The following NRXN3 variants were observed in gnomAD, a reference collection of about 807,000 sequenced individuals.
NRXN3 encodes neurexin III.
A neutral mutation model predicts 137.6 loss-of-function variants in NRXN3; 32 were observed. The observed-to-expected ratio is 0.23, with a 90% CI of 0.18 to 0.31. NRXN3 has a LOEUF of 0.31. Among genes scored for constraint, NRXN3 ranks in the 10% least tolerant of loss-of-function variants. The pLI is 1.00. For synonymous variants in NRXN3, 798 were observed against 784.5 expected (o/e 1.02, Z -0.29); for missense variants, 1,574 against 2,062.5 (o/e 0.76, Z 4.59).
chr14:78,948,730 T>C (rs2099377247), intron 10 of NRXN3, among the ~76,000 whole-genome samples: 1 of 151,452 alleles, frequency 6.6e-6, no homozygotes, highest in African/African-American at 2.4e-5. Context: ...GGTTATACTC[T>C]TCATTATCCT....
intron 1 of NRXN3, among the ~76,000 whole-genome samples, chr14:78,234,000 G>C (rs944070085): frequency 1.3e-5 from 2 of 152,170 alleles, no homozygotes; most frequent in Non-Finnish European, 2.9e-5. Flanking sequence ...TTGAATCATG[G>C]GGGCAGATCT....
chr14:78,929,585 C>G (rs1475408691), intron 10 of NRXN3, among the ~76,000 whole-genome samples: 1 of 152,092 alleles, frequency 6.6e-6, no homozygotes, highest in Admixed American at 6.6e-5. Context: ...TATGCTTTAT[C>G]AAGTCTATCG....
intron 10 of NRXN3, among the ~76,000 whole-genome samples, chr14:78,828,098 A>C (rs567004252): frequency 2.0e-5 from 3 of 152,278 alleles, no homozygotes; most frequent in Admixed American, 2.0e-4. Flanking sequence ...ATTTTACCAT[A>C]GTTTTATGTG....
chr14:79,011,487 T>C (rs2099571263), intron 15 of NRXN3, among the ~76,000 whole-genome samples: 1 of 151,684 alleles, frequency 6.6e-6, no homozygotes, highest in Non-Finnish European at 1.5e-5. Context: ...CAGTTGAGTT[T>C]GTTCAGTTTG....
intron 15 of NRXN3, chr14:79,074,733 G>C (rs1462164783): frequency 1.3e-5 from 2 of 152,262 alleles, no homozygotes; most frequent in African/African-American, 4.8e-5. Context: ...ACTGAAACAG[G>C]GCTTCTCTTC....
intron 15 of NRXN3, among the ~76,000 whole-genome samples, chr14:79,132,000 G>T (rs548003000): frequency 1.3e-5 from 2 of 152,386 alleles, no homozygotes; most frequent in East Asian, 1.9e-4. Context: ...GACCCCTTGC[G>T]CTTCCCGAGT....
At chr14:78,279,873 C>T (rs888904468) in intron 3 of NRXN3, among the ~76,000 whole-genome samples, 1 of 150,946 alleles carries the variant, frequency 6.6e-6, no homozygotes, top group African/African-American at 2.5e-5. Flanking sequence ...AATAATCAAC[C>T]AGACTTAAGT....
At position 79,151,434 on chromosome 14, in the gene NRXN3, A is replaced by G. The variant is rs2059788440; in HGVS notation, c.3262+163293A>G. 2.0e-5 allele frequency among the ~76,000 whole-genome samples: 3 copies of G among 152,068 alleles called. No homozygotes were observed. In the South Asian group the frequency reaches 6.2e-4, roughly 31 times the overall value. ...TGGCAGGGAGCATCTTTGATTCAGA[A>G]CAGAACGCCACTCATCGTTCCATCA... On this transcript the variant is annotated intron_variant, in intron 15 of 20. Coordinates refer to ENST00000335750, the MANE Select transcript of NRXN3 (RefSeq NM_001330195.2).
chr14:79,854,843 C>T (rs2099399205), intron 20 of NRXN3, among the ~76,000 whole-genome samples: 1 of 152,092 alleles, frequency 6.6e-6, no homozygotes, highest in Non-Finnish European at 1.5e-5. Context: ...GTTTGGTTAT[C>T]CAGGATCATA....
chr14:78,684,624 T>C (rs1160726119), intron 6 of NRXN3, among the ~76,000 whole-genome samples: 2 of 151,908 alleles, frequency 1.3e-5, no homozygotes, highest in African/African-American at 4.8e-5. Context: ...GGCAACATAG[T>C]GAGTCCCCAT....
At chr14:79,256,195 A>AC (rs1568810677) in intron 15 of NRXN3, among the ~76,000 whole-genome samples, 4 of 150,428 alleles carry the variant, frequency 2.7e-5, no homozygotes, top group African/African-American at 9.9e-5. Flanking sequence ...TCTCTCTCAC[A>AC]CACACACACA....
At chr14:78,830,315 A>G (rs1401874077) in intron 10 of NRXN3, among the ~76,000 whole-genome samples, 1 of 152,142 alleles carries the variant, frequency 6.6e-6, no homozygotes, top group East Asian at 1.9e-4. Context: ...TTTGCTTCTC[A>G]TATCCATTTT....
At chr14:79,823,941 G>A in intron 20 of NRXN3, 3 of 445,916 alleles carry the variant, frequency 6.7e-6, no homozygotes, top group South Asian at 3.1e-5. Context: ...TAATGCAGCA[G>A]CAGTGGGCAC....
At position 79,831,885 on chromosome 14, in the gene NRXN3, T is replaced by C. The variant is rs143990094; in HGVS notation, c.4093+26695T>C. On this transcript the variant is annotated intron_variant, in intron 20 of 20. Transcript: ENST00000335750. ...TTTGCTCCGAGTTTTTCATGTCTTC[T>C]GTGAGCCCCCCACGTTTATCTCAGG... 2.3e-3 allele frequency among the ~76,000 whole-genome samples: 345 copies of C among 152,306 alleles called. 2 individuals are homozygous for C. Among genetic ancestry groups the C allele is most frequent in the Non-Finnish European group, 3.8e-3 (258 of 68,034 alleles).
chr14:78,461,717 GT>G (rs1199097733), intron 4 of NRXN3, among the ~76,000 whole-genome samples: 1 of 152,190 alleles, frequency 6.6e-6, no homozygotes, highest in East Asian at 1.9e-4. Context: ...AGAGTGCAGG[GT>G]GGGTTCAAGG....
chr14:79,772,063 T>A (rs1308560882), intron 19 of NRXN3, among the ~76,000 whole-genome samples: 1 of 145,478 alleles, frequency 6.9e-6, no homozygotes, highest in East Asian at 2.0e-4. Flanking sequence ...GGAATCCACC[T>A]TACAAGGGAT....
At chr14:79,427,431 AAC>A (rs1361486457) in intron 15 of NRXN3, among the ~76,000 whole-genome samples, 1 of 151,478 alleles carries the variant, frequency 6.6e-6, no homozygotes, top group Admixed American at 6.6e-5. Flanking sequence ...CTCCTTAGCA[AAC>A]ACACACACAA....
At chr14:79,777,500 C>T (rs2099100697) in intron 19 of NRXN3, among the ~76,000 whole-genome samples, 1 of 150,406 alleles carries the variant, frequency 6.6e-6, no homozygotes, top group South Asian at 2.1e-4. Flanking sequence ...GGTTCCTTTG[C>T]TGAAAGTAGT....
rs10673907 is a variant in NRXN3 at position 78,233,688 on chromosome 14, C to CAAAAA, written c.-703-8688_-703-8684dup. ...TCTTTTTTCCAATTTAAGTATGCTTCAAAAAAAAAAAAAAAAAAAGAATGC... is the reference window on the plus strand; with the variant it reads ...TCTTTTTTCCAATTTAAGTATGCTTCAAAAAAAAAAAAAAAAAAAAAAAAGAATGC... On this transcript the variant is annotated intron_variant, in intron 1 of 20. Transcript: ENST00000335750. 5.5e-3 allele frequency among the ~76,000 whole-genome samples: 644 copies of CAAAAA among 117,560 alleles called. 15 individuals carry two copies. Among genetic ancestry groups the CAAAAA allele is most frequent in the African/African-American group, 0.019 (594 of 31,584 alleles). The allele number at this position is 117,560 out of a possible 152,430, so 77.1% of individuals were successfully genotyped here. A position where few individuals can be genotyped will look rare whatever the true frequency, so the allele number is the denominator to read the frequency against.
Sources: gnomAD v4.1 joint callset for allele counts (sites outside exome capture counted in the v4.1 genomes callset) on GRCh38, gnomAD v4.1.1 for gene constraint, MANE v1.5 for transcripts, NCBI Gene and HGNC (gene_info 2026-07-23, HGNC 2026-07-21) for gene names.